VMP1: variants seen among roughly 807,000 people sequenced by gnomAD.
VMP1 encodes vacuole membrane protein 1, also known as ectopic P-granules autophagy protein 3 homolog.
Under a neutral mutation model 56.0 loss-of-function variants are expected in VMP1, and 11 were observed. The observed-to-expected ratio is 0.20, with a 90% confidence interval of 0.12 to 0.32. The LOEUF is 0.32. Ranked by LOEUF, VMP1 falls within the 10% of genes least tolerant of loss-of-function variation. The pLI, the probability that VMP1 is intolerant of heterozygous loss-of-function variation, is 1.00. For synonymous variants in VMP1, 149 were observed against 165.0 expected (o/e 0.90, Z 0.74); for missense variants, 296 against 490.3 (o/e 0.60, Z 3.74).
chr17:59,831,796 C>T (rs2038815189), intron 10 of VMP1, among the ~76,000 whole-genome samples: 1 of 11,976 alleles, frequency 8.4e-5, no homozygotes. Flanking sequence ...TATTTGCATT[C>T]CTGAGTTTTT....
At chr17:59,790,248 T>C (rs943391050) in intron 7 of VMP1, among the ~76,000 whole-genome samples, 7 of 152,206 alleles carry the variant, frequency 4.6e-5, no homozygotes, top group African/African-American at 7.2e-5. Context: ...ATGACTATCA[T>C]GCTTTTAAAC....
At chr17:59,772,316 T>G (rs542509229) in intron 6 of VMP1, among the ~76,000 whole-genome samples, 9 of 152,192 alleles carry the variant, frequency 5.9e-5, no homozygotes, top group African/African-American at 2.2e-4. Context: ...TTGTTTCAAG[T>G]ATGGATAATG....
chr17:59,710,799 C>T (rs935041075), intron 1 of VMP1, among the ~76,000 whole-genome samples: 1 of 151,988 alleles, frequency 6.6e-6, no homozygotes, highest in Admixed American at 6.5e-5. Flanking sequence ...GGCCAGGCGC[C>T]GTGGCTCACG....
chr17:59,784,947 C>T (rs2036957808), intron 7 of VMP1: 2 of 151,856 alleles, frequency 1.3e-5, no homozygotes, highest in Non-Finnish European at 2.9e-5. Flanking sequence ...AAATTATATA[C>T]TTTAGAAACA....
intron 7 of VMP1, among the ~76,000 whole-genome samples, chr17:59,788,356 G>A (rs982785130): frequency 1.1e-4 from 16 of 151,744 alleles, no homozygotes; most frequent in Admixed American, 7.2e-4. Context: ...GCATGTTGGA[G>A]AGCTCCGGTA....
chr17:59,774,390 C>A (rs2036542794), intron 7 of VMP1, among the ~76,000 whole-genome samples: 1 of 150,110 alleles, frequency 6.7e-6, no homozygotes, highest in South Asian at 2.1e-4. Context: ...TGTACTCTGG[C>A]CTAAGCAACA....
At chr17:59,752,278 G>A (rs543633253) in intron 5 of VMP1, among the ~76,000 whole-genome samples, 302 of 152,272 alleles carry the variant, frequency 2.0e-3, no homozygotes, top group African/African-American at 7.0e-3. Context: ...CATAAAAACA[G>A]GTAGCAGGCT....
intron 10 of VMP1, among the ~76,000 whole-genome samples, chr17:59,826,689 G>T (rs932867674): frequency 2.6e-5 from 4 of 152,196 alleles, no homozygotes; most frequent in Non-Finnish European, 4.4e-5. Context: ...CTATTACAGA[G>T]AAGTTAAATT....
chr17:59,757,214 A>G (rs1192214361), intron 5 of VMP1, among the ~76,000 whole-genome samples: 1 of 151,180 alleles, frequency 6.6e-6, no homozygotes, highest in Non-Finnish European at 1.5e-5. Flanking sequence ...ACTACTTAAA[A>G]CTCTTCACTA....
chr17:59,809,727 C>T (rs1472856076), intron 8 of VMP1, among the ~76,000 whole-genome samples: 1 of 150,648 alleles, frequency 6.6e-6, no homozygotes, highest in Non-Finnish European at 1.5e-5. Flanking sequence ...GGGATGGTCT[C>T]GATCTCCTGA....
chr17:59,823,091 AAAAG>A (rs2038509220), intron 10 of VMP1, among the ~76,000 whole-genome samples: 1 of 152,148 alleles, frequency 6.6e-6, no homozygotes, highest in Admixed American at 6.5e-5. Context: ...ATTCTTGAAA[AAAAG>A]AAAGGAAGAA....
chr17:59,797,051 AGGCCT>A (rs1402793532), intron 7 of VMP1, among the ~76,000 whole-genome samples: 1 of 152,114 alleles, frequency 6.6e-6, no homozygotes, highest in Non-Finnish European at 1.5e-5. Context: ...AGGAAAAATA[AGGCCT>A]GGCACTGTTG....
chr17:59,767,002 G>A (rs1040754149), intron 6 of VMP1, among the ~76,000 whole-genome samples: 1 of 151,858 alleles, frequency 6.6e-6, no homozygotes, highest in African/African-American at 2.4e-5. Flanking sequence ...GGCTGGTCTC[G>A]AACTCCTGAC....
At chr17:59,818,321 C>T (rs2038318562) in intron 10 of VMP1, among the ~76,000 whole-genome samples, 1 of 152,016 alleles carries the variant, frequency 6.6e-6, no homozygotes, top group Admixed American at 6.6e-5. Context: ...GAGCCAAGAT[C>T]ATGCCATTGC....
At chr17:59,819,265 A>G (rs372152196) in intron 10 of VMP1, among the ~76,000 whole-genome samples, 14 of 152,134 alleles carry the variant, frequency 9.2e-5, no homozygotes, top group East Asian at 3.8e-4. Context: ...ACCATATATC[A>G]CATAAAGACA....
chr17:59,763,233 A>G (rs2036120442), intron 5 of VMP1, among the ~76,000 whole-genome samples: 1 of 152,038 alleles, frequency 6.6e-6, no homozygotes, highest in East Asian at 1.9e-4. Flanking sequence ...TCTGAATATC[A>G]CAAACTTTGG....
chr17:59,782,964 G>A (rs2036877495), intron 7 of VMP1, among the ~76,000 whole-genome samples: 2 of 152,164 alleles, frequency 1.3e-5, no homozygotes, highest in African/African-American at 4.8e-5. Context: ...ACACGCCCAA[G>A]GCAGGCGGAT....
chr17:59,820,663 T>G (rs1202359729), intron 10 of VMP1, among the ~76,000 whole-genome samples: 2 of 152,220 alleles, frequency 1.3e-5, no homozygotes, highest in East Asian at 3.9e-4. Context: ...GAGTGTGTGA[T>G]TTACTGTCTT....
chr17:59,731,722 C>G (rs1446015611), intron 2 of VMP1, among the ~76,000 whole-genome samples, 200 bp downstream of exon 2: 1 of 152,094 alleles, frequency 6.6e-6, no homozygotes, highest in Non-Finnish European at 1.5e-5. Flanking sequence ...ATCACATAAA[C>G]AGTGTTCCAA....
Sources: gnomAD v4.1 joint callset for allele counts (sites outside exome capture counted in the v4.1 genomes callset) on GRCh38, gnomAD v4.1.1 for gene constraint, MANE v1.5 for transcripts, NCBI Gene and HGNC (gene_info 2026-07-23, HGNC 2026-07-21) for gene names.